The following LRGUK variants were observed in gnomAD, a reference collection of about 807,000 sequenced individuals.
LRGUK encodes leucine-rich repeat and guanylate kinase domain-containing protein.
In LRGUK, 65 loss-of-function variants were observed where a neutral mutation model predicts 76.0. That is an observed-to-expected ratio of 0.85 (90% CI 0.70 to 1.05). The LOEUF (loss-of-function observed/expected upper bound fraction) is 1.05, where lower values mean the gene tolerates loss of function less well. Among genes scored for constraint, LRGUK ranks in the 50% least tolerant of loss-of-function variants. The pLI is 0.00. For synonymous variants in LRGUK, 268 were observed against 265.6 expected, an observed-to-expected ratio of 1.01 and a Z score of -0.09; for missense variants, 758 against 732.8, an observed-to-expected ratio of 1.03 and a Z score of -0.40.
intron 7 of LRGUK, among the ~76,000 whole-genome samples, chr7:134,164,410 G>A (rs748867526): frequency 3.3e-5 from 5 of 152,038 alleles, no homozygotes; most frequent in Admixed American, 6.6e-5. Flanking sequence ...GCTTAATAAC[G>A]CACACTTTAC....
At chr7:134,237,514 C>T (rs1436992364) in intron 16 of LRGUK, among the ~76,000 whole-genome samples, 2 of 152,128 alleles carry the variant, frequency 1.3e-5, no homozygotes, top group Admixed American at 1.3e-4. Context: ...ATTATCTTAC[C>T]TTTGGCTAAT....
chr7:134,146,588 T>G (rs1298483343), intron 4 of LRGUK, among the ~76,000 whole-genome samples: 1 of 152,246 alleles, frequency 6.6e-6, no homozygotes, highest in African/African-American at 2.4e-5. Flanking sequence ...AACACTTTTA[T>G]TTGTACATTT....
In LRGUK at chr7:134,251,114, A is replaced by G. The variant is rs571958857; in HGVS notation, c.2198+2038A>G. 3.3e-5 allele frequency among the ~76,000 whole-genome samples: 5 copies of G among 152,156 alleles called. No individual in the cohort carries two copies. The South Asian group carries it at 1.0e-3, about 32-fold the overall frequency. Reference sequence around the variant, plus strand: ...GGTTTGAGCTGTCCCCCATTCCCCCAATTTCATATGTTGGAGTCCTGACCC... The same window carrying G: ...GGTTTGAGCTGTCCCCCATTCCCCCGATTTCATATGTTGGAGTCCTGACCC... On this transcript the variant is annotated intron_variant, in intron 18 of 19. Transcript: ENST00000285928.
chr7:134,248,085 T>C (rs558031523), intron 17 of LRGUK, among the ~76,000 whole-genome samples: 24 of 152,328 alleles, frequency 1.6e-4, no homozygotes, highest in African/African-American at 5.8e-4. Context: ...AGTGATTAAT[T>C]TTCTTCATGT....
chr7:134,249,170 A>C, intron 18 of LRGUK, 94 bp downstream of exon 18: 1 of 1,342,606 alleles, frequency 7.4e-7, no homozygotes, highest in Non-Finnish European at 9.8e-7. Flanking sequence ...GAAATCCTAA[A>C]ACTGGGAAGC....
chr7:134,218,914 A>T (rs755006572), intron 15 of LRGUK, among the ~76,000 whole-genome samples: 15 of 152,194 alleles, frequency 9.9e-5, no homozygotes, highest in Admixed American at 2.6e-4. Flanking sequence ...CTGCATTTGT[A>T]ATGATACTAA....
chr7:134,165,316 C>T (rs1443888037), intron 7 of LRGUK, among the ~76,000 whole-genome samples: 2 of 152,050 alleles, frequency 1.3e-5, no homozygotes, highest in Non-Finnish European at 2.9e-5. Flanking sequence ...GTAACTTGCC[C>T]AAAGTCATAT....
intron 15 of LRGUK, among the ~76,000 whole-genome samples, chr7:134,216,229 A>G (rs1801432530): frequency 6.6e-6 from 1 of 152,168 alleles, no homozygotes; most frequent in Non-Finnish European, 1.5e-5. Flanking sequence ...GTTCGTATTA[A>G]CATGAAAGCA....
exon 6 of LRGUK, chr7:134,158,092 G>T: frequency 6.2e-7 from 1 of 1,613,172 alleles, no homozygotes; most frequent in Non-Finnish European, 8.5e-7. Flanking sequence ...ATTCACCTTA[G>T]TTTGGCCAAC....
intron 5 of LRGUK, among the ~76,000 whole-genome samples, chr7:134,150,071 T>C (rs569649935): frequency 3.5e-4 from 53 of 151,936 alleles, no homozygotes; most frequent in Non-Finnish European, 6.0e-4. Flanking sequence ...GTCAAGAGAT[T>C]GAGAACATCC....
rs1563204594 is a variant in LRGUK at position 134,263,889 on chromosome 7, CA to C, written c.2393del (p.His798ProfsTer35). The C allele has an allele frequency of 1.9e-6, 3 of 1,612,326 alleles. No individual in the cohort carries two copies. In the South Asian group the frequency reaches 3.3e-5, roughly 18 times the overall value. On this transcript the variant is annotated frameshift_variant, in exon 20 of 20. Coordinates refer to the LRGUK transcript ENST00000285928. LOFTEE classifies it low-confidence loss of function (END_TRUNC). ...TTCACATGAAAAAGAGTCTCACCAA[CA>C]CAGACAACACTCGGTCCCAGTCATC...
chr7:134,161,384 GACTTT>G (rs1375401350), intron 6 of LRGUK, among the ~76,000 whole-genome samples: 2 of 151,702 alleles, frequency 1.3e-5, no homozygotes, highest in Admixed American at 6.6e-5. Context: ...AAGGAAATTT[GACTTT>G]ACTTTGGCAA....
At chr7:134,151,474 C>T (rs1798221769) in intron 5 of LRGUK, among the ~76,000 whole-genome samples, 1 of 151,958 alleles carries the variant, frequency 6.6e-6, no homozygotes, top group Admixed American at 6.6e-5. Flanking sequence ...TCAAAACAGA[C>T]CTTCCAATAG....
intron 10 of LRGUK, among the ~76,000 whole-genome samples, chr7:134,181,459 G>A (rs575148199): frequency 6.6e-6 from 1 of 150,412 alleles, no homozygotes; most frequent in East Asian, 1.9e-4. Context: ...ACTAGACTAT[G>A]TCCTGGTTTA....
At chr7:134,162,888 G>T (rs1425136366) in intron 6 of LRGUK, among the ~76,000 whole-genome samples, 1 of 151,416 alleles carries the variant, frequency 6.6e-6, no homozygotes, top group Non-Finnish European at 1.5e-5. Context: ...GAATAACTGG[G>T]GGCATGGCTC....
downstream of LRGUK, among the ~76,000 whole-genome samples, chr7:134,213,125 C>T (rs1050962541): frequency 2.6e-5 from 4 of 152,196 alleles, no homozygotes; most frequent in African/African-American, 9.6e-5. Context: ...ATAGCATCTT[C>T]TAAGGACCCG....
intron 19 of LRGUK, among the ~76,000 whole-genome samples, chr7:134,263,059 C>A (rs1445308543): frequency 7.7e-6 from 1 of 129,856 alleles, no homozygotes; most frequent in Non-Finnish European, 1.6e-5. Context: ...TTATTTTTTT[C>A]TTTGAATATG....
chr7:134,233,363 C>A (rs564350713), intron 16 of LRGUK, among the ~76,000 whole-genome samples: 3 of 152,324 alleles, frequency 2.0e-5, no homozygotes, highest in South Asian at 2.1e-4. Context: ...AACACCTTTA[C>A]CCCTGAAGCA....
chr7:134,165,493 G>A (rs539553260), intron 7 of LRGUK, among the ~76,000 whole-genome samples: 6 of 152,140 alleles, frequency 3.9e-5, no homozygotes, highest in Non-Finnish European at 5.9e-5. Context: ...GAAACATCAC[G>A]TGAGCCACAG....
Sources: gnomAD v4.1 joint callset for allele counts (sites outside exome capture counted in the v4.1 genomes callset) on GRCh38, gnomAD v4.1.1 for gene constraint, MANE v1.5 for transcripts, NCBI Gene and HGNC (gene_info 2026-07-23, HGNC 2026-07-21) for gene names.